The following CACNA1G variants were observed in gnomAD, a reference collection of about 807,000 sequenced individuals.
CACNA1G encodes the protein calcium voltage-gated channel subunit alpha1 G, also known as voltage-dependent T-type calcium channel subunit alpha-1G.
In CACNA1G, 67 loss-of-function variants were observed where a neutral mutation model predicts 219.4. The observed-to-expected ratio is 0.31, with a 90% confidence interval of 0.25 to 0.37. The LOEUF is 0.37. CACNA1G is among the 10% of genes least tolerant of loss of function. The pLI is 1.00. For synonymous variants in CACNA1G, 1,296 were observed against 1,345.3 expected, an observed-to-expected ratio of 0.96 and a Z score of 0.80; for missense variants, 2,380 against 3,231.4, an observed-to-expected ratio of 0.74 and a Z score of 6.39.
chr17:50,573,832 C>T (rs532898064), intron 7 of CACNA1G, among the ~76,000 whole-genome samples: 31 of 152,312 alleles, frequency 2.0e-4, no homozygotes, highest in African/African-American at 7.2e-4. Flanking sequence ...TTCATCGCCA[C>T]CACTTTGAGC....
At chr17:50,567,101 C>T (rs1364885190) in intron 1 of CACNA1G, among the ~76,000 whole-genome samples, 6 of 152,164 alleles carry the variant, frequency 3.9e-5, no homozygotes, top group Non-Finnish European at 8.8e-5. Context: ...CCCCTTTTTC[C>T]AGGGTGACCC....
rs555453203 is a variant in CACNA1G, at chr17:50,571,202, A to T, written c.587-676A>T. Reference sequence around the variant, plus strand: ...TTCAGGTCCTGATTTGGGGATCTGGACCAAGCAGGGAATAGTTTCAGGGAA... The same window carrying T: ...TTCAGGTCCTGATTTGGGGATCTGGTCCAAGCAGGGAATAGTTTCAGGGAA... On this transcript the variant is annotated intron_variant, in intron 4 of 37. Transcript: ENST00000359106. The surrounding 1 kb of genome is among the most constrained non-coding windows in gnomAD (Gnocchi z 4.3). Among the ~76,000 whole-genome samples, 4 of 152,284 alleles carry T rather than the reference A, an allele frequency of 2.6e-5. No individual in the cohort carries two copies. The highest frequency in any genetic ancestry group is 7.2e-5 in the African/African-American group (3 of 41,550).
rs764384717 is a variant in CACNA1G at position 50,594,944 on chromosome 17, C to G, written c.2911-49C>G. ...CGACACTGCCGATATCTGAAGGCCC[C>G]GAGCGCCTGTGACCAGCAGCCCTCC... On this transcript the variant is annotated intron_variant, in intron 13 of 37. Coordinates refer to ENST00000359106, the MANE Select transcript of CACNA1G (RefSeq NM_018896.5). The G allele has an allele frequency of 2.8e-6, 4 of 1,445,082 alleles. No individual in the cohort carries two copies. The South Asian group carries it at 3.7e-5, about 13-fold the overall frequency. The allele number at this position is 1,445,082 out of a possible 1,614,324, so 89.5% of individuals were successfully genotyped here. A position where few individuals can be genotyped will look rare whatever the true frequency, so the allele number is the denominator to read the frequency against.
At chr17:50,576,415 G>T in intron 8 of CACNA1G, 89 bp downstream of exon 8, 9 of 1,287,260 alleles carry the variant, frequency 7.0e-6, no homozygotes, top group South Asian at 1.3e-5. Flanking sequence ...GAGTCAGAGG[G>T]ACCAGGGCTT....
chr17:50,599,480 C>T lies in CACNA1G; in HGVS notation c.3311C>T (p.Thr1104Ile). The change falls in exon 17 of 38, where the codon ACC becomes ATC. Residue 1104 changes from threonine to isoleucine, a missense_variant. Coordinates refer to ENST00000359106, the MANE Select transcript of CACNA1G (RefSeq NM_018896.5). ...HSPWSAASSW[T>I]SRRSSRNSLG... The stretch of plus-strand genomic sequence containing the variant: ...CCCTGGAGCGCTGCAAGCAGCTGGA[C>T]CAGCAGGCGCTCCAGCCGGAACAGC... 6.3e-7 allele frequency: 1 copy of T among 1,588,046 alleles called. No homozygotes were observed. Among genetic ancestry groups the T allele is most frequent in the Non-Finnish European group, 8.6e-7 (1 of 1,168,334 alleles).
chr17:50,606,522 C>T (rs756757846), intron 23 of CACNA1G: 20 of 560,546 alleles, frequency 3.6e-5, no homozygotes, highest in Non-Finnish European at 6.0e-5. Flanking sequence ...GTGGAAGGGA[C>T]GGATATATTG....
intron 34 of CACNA1G, among the ~76,000 whole-genome samples, chr17:50,620,093 G>T (rs1487854033): frequency 6.6e-6 from 1 of 151,376 alleles, no homozygotes; most frequent in Non-Finnish European, 1.5e-5. Context: ...GGGGAGAGGG[G>T]ATTTGTAAGA....
rs1159854954 is a variant in CACNA1G at position 50,561,241 on chromosome 17, G to A, written c.-219G>A. The stretch of plus-strand genomic sequence containing the variant: ...CAGGGGCGCAGGGGAAGCGGGACTC[G>A]CGCCGGGCGGGGTTTCCCTGCGCCC... On this transcript the variant is annotated 5_prime_UTR_variant, in exon 1 of 38. Transcript: ENST00000359106. 2.4e-5 allele frequency: 13 copies of A among 552,538 alleles called. No individual in the cohort carries two copies. In the Admixed American group the frequency reaches 4.7e-4, roughly 20 times the overall value. The allele number at this position is 552,538 out of a possible 1,614,324, so 34.2% of individuals were successfully genotyped here. A position where few individuals can be genotyped will look rare whatever the true frequency, so the allele number is the denominator to read the frequency against.
chr17:50,568,761 C>G (rs2038611226), intron 1 of CACNA1G, 109 bp from the exon 2 acceptor site: 1 of 829,208 alleles, frequency 1.2e-6, no homozygotes, highest in Non-Finnish European at 2.0e-6. Context: ...ACCACACCTG[C>G]TTAGCCTCAG....
At position 50,599,531 on chromosome 17, in the gene CACNA1G, G is replaced by A. The variant is rs370349028; in HGVS notation, c.3362G>A (p.Arg1121Gln). The part of the protein sequence containing the change: ...NSLGRAPSLK[R>Q]RSPSGERRSL... ...CTCGGCCGTGCACCCAGCCTGAAGC[G>A]GAGAAGCCCAAGTGGAGAGCGGCGG... Residue 1121 changes from arginine (R) to glutamine (Q), a missense_variant, in exon 17 of 38, where the codon CGG (arginine) becomes CAG (glutamine). Physicochemically the swap from Arg to Gln is conservative, Grantham distance 43. This residue lies in a region of CACNA1G where 418 missense variants were observed against 434.3 expected (regional missense o/e 0.96). Coordinates refer to ENST00000359106, the MANE Select transcript of CACNA1G (RefSeq NM_018896.5). 20 of 1,612,118 alleles carry A rather than the reference G, an allele frequency of 1.2e-5. No individual in the cohort carries two copies. Among genetic ancestry groups the A allele is most frequent in the East Asian group, 6.7e-5 (3 of 44,822 alleles).
intron 37 of CACNA1G, among the ~76,000 whole-genome samples, chr17:50,625,312 G>A (rs978398407): frequency 6.6e-6 from 1 of 152,234 alleles, no homozygotes; most frequent in African/African-American, 2.4e-5. Flanking sequence ...AGGCATGAGC[G>A]TGGACACATG....
intron 13 of CACNA1G, among the ~76,000 whole-genome samples, chr17:50,592,974 C>T (rs1181481007): frequency 6.6e-6 from 1 of 152,218 alleles, no homozygotes; most frequent in African/African-American, 2.4e-5. Flanking sequence ...CAAGGGAGGG[C>T]TTTTCCCTGT....
chr17:50,613,115 C>G (rs890461871), intron 26 of CACNA1G, among the ~76,000 whole-genome samples: 1 of 152,234 alleles, frequency 6.6e-6, no homozygotes, highest in Non-Finnish European at 1.5e-5. Context: ...TCTGTACCCA[C>G]CTGGCAACTG....
At position 50,578,312 on chromosome 17, in the gene CACNA1G, T is replaced by G. The variant is rs1286415506; in HGVS notation, c.2049T>G (p.Arg683=). The G allele has an allele frequency of 6.2e-7, 1 of 1,612,962 alleles. No individual in the cohort carries two copies. Among genetic ancestry groups the G allele is most frequent in the Non-Finnish European group, 8.5e-7 (1 of 1,179,854 alleles). The change falls in exon 9 of 38, where the codon CGT becomes CGG. Residue 683 remains arginine, a synonymous_variant. Transcript: ENST00000359106. The surrounding 1 kb of genome is among the most constrained non-coding windows in gnomAD (Gnocchi z 4.5). ...CAGGGGAGGTGGAGCTCGCCGACCGTGAAATGCCTGACTCAGACAGCGAGG... is the reference window on the plus strand; with the variant it reads ...CAGGGGAGGTGGAGCTCGCCGACCGGGAAATGCCTGACTCAGACAGCGAGG... The part of the protein sequence containing the change: ...AGAGEVELAD[R]EMPDSDSEAV...
At chr17:50,615,592 C>T in intron 27 of CACNA1G, 80 bp downstream of exon 27, 1 of 1,494,046 alleles carries the variant, frequency 6.7e-7, no homozygotes. Flanking sequence ...CAGCCTGAGC[C>T]AGGGTACCTC....
At chr17:50,574,609 G>A (rs1401821520) in intron 7 of CACNA1G, among the ~76,000 whole-genome samples, 1 of 152,148 alleles carries the variant, frequency 6.6e-6, no homozygotes, top group Admixed American at 6.5e-5. Context: ...TGGGAGAGGG[G>A]GAAGGAAGCA....
chr17:50,626,420 A>T lies in CACNA1G; in HGVS notation c.6803A>T (p.His2268Leu). The change falls in exon 38 of 38, where the codon CAC (histidine) becomes CTC (leucine). Residue 2268 changes from histidine (H) to leucine (L), a missense_variant. His to Leu is a moderately conservative substitution (Grantham distance 99). Around this residue, in one of 17 missense-constraint regions of CACNA1G, gnomAD observed 672 missense variants for 670.5 expected, o/e 1.00. Coordinates refer to ENST00000359106, the MANE Select transcript of CACNA1G (RefSeq NM_018896.5). The surrounding 1 kb of genome is among the most constrained non-coding windows in gnomAD (Gnocchi z 4.3). ...TCCTGGCTGGATGAGCAGAGGAGAC[A>T]CTCTATCGCCGTCAGCTGCCTGGAC... ...PTSWLDEQRR[H>L]SIAVSCLDSG... 6.2e-7 allele frequency: 1 copy of T among 1,609,302 alleles called. No homozygotes were observed. The highest frequency in any genetic ancestry group is 1.1e-5 in the South Asian group (1 of 90,618).
At chr17:50,608,537 T>C (rs1323131728) in intron 25 of CACNA1G, among the ~76,000 whole-genome samples, 3 of 150,206 alleles carry the variant, frequency 2.0e-5, no homozygotes, top group Admixed American at 1.3e-4. Flanking sequence ...TATATATATA[T>C]ATATATATAT....
intron 35 of CACNA1G, 92 bp from the exon 36 acceptor site, chr17:50,623,815 G>GGGCGCTGCTGCTTTCTGTTGTC (rs2052895716): frequency 3.0e-6 from 4 of 1,348,606 alleles, no homozygotes; most frequent in Non-Finnish European, 4.1e-6. Context: ...GCTGGGCGGG[G>GGGCGCTGCTGCTTTCTGTTGTC]GGCGCTGCTG....
Sources: allele counts gnomAD v4.1 joint callset (sites outside exome capture counted in the v4.1 genomes callset), GRCh38; gene constraint gnomAD v4.1.1; regional missense constraint gnomAD v4.1.1; non-coding constraint Gnocchi (gnomAD v3.1); transcripts MANE v1.5; gene names NCBI Gene and HGNC (gene_info 2026-07-23, HGNC 2026-07-21).